The following SPTA1 variants were observed in gnomAD, a reference collection of about 807,000 sequenced individuals.
SPTA1 encodes spectrin alpha chain, erythrocytic 1.
In SPTA1, 177 loss-of-function variants were observed where a neutral mutation model predicts 324.7. The ratio of observed to expected loss-of-function variants is 0.55; its 90% CI spans 0.48 to 0.62. The LOEUF (loss-of-function observed/expected upper bound fraction) is 0.62. Ranked by LOEUF, SPTA1 falls within the 20% of genes least tolerant of loss-of-function variation. SPTA1 has a pLI of 0.00. For synonymous variants in SPTA1, 1,195 were observed against 1,041.3 expected, an observed-to-expected ratio of 1.15 and a Z score of -2.84; for missense variants, 3,162 against 2,883.6, an observed-to-expected ratio of 1.10 and a Z score of -2.21.
At chr1:158,656,918 A>G (rs772073242) in intron 19 of SPTA1, among the ~76,000 whole-genome samples, 22 of 152,210 alleles carry the variant, frequency 1.4e-4, no homozygotes, top group Non-Finnish European at 2.4e-4. Flanking sequence ...AGCTGAAAAG[A>G]GGATGCTGTT....
Position 158,667,966 on chromosome 1 carries a change from C to T in SPTA1, c.1930G>A (p.Gly644Ser). 2 of 1,613,768 alleles carry T rather than the reference C, an allele frequency of 1.2e-6. No homozygotes were observed. Among genetic ancestry groups the T allele is most frequent in the Non-Finnish European group, 8.5e-7 (1 of 1,179,962 alleles). ...KTQLENIQKT[G>S]QEMIEGGHYA... The stretch of plus-strand genomic sequence containing the variant: ...TGACCACCCTCAATCATCTCTTGGC[C>T]AGTTTTCTGTATGTTTTCCAGCTGG... The change falls in exon 15 of 52, where the codon GGC (glycine) becomes AGC (serine). Residue 644 changes from glycine to serine, a missense_variant. Physicochemically the swap from Gly to Ser is moderately conservative, Grantham distance 56. Coordinates refer to ENST00000643759, the MANE Select transcript of SPTA1 (RefSeq NM_003126.4).
At chr1:158,672,239 T>A in intron 10 of SPTA1, 43 bp from the exon 11 acceptor site, 1 of 1,540,196 alleles carries the variant, frequency 6.5e-7, no homozygotes, top group Non-Finnish European at 8.8e-7. Flanking sequence ...ATAATTAATT[T>A]ATTTTATTCT....
chr1:158,652,487 T>A lies in SPTA1; in HGVS notation c.3355A>T (p.Lys1119Ter). 6.2e-7 allele frequency: 1 copy of A among 1,614,164 alleles called. No homozygotes were observed. Among genetic ancestry groups the A allele is most frequent in the Non-Finnish European group, 8.5e-7 (1 of 1,180,014 alleles). The change falls in exon 23 of 52, where the codon AAG becomes TAG. Residue 1119 changes from lysine (K) to a stop codon, truncating the protein, a stop_gained. Coordinates refer to ENST00000643759, the MANE Select transcript of SPTA1 (RefSeq NM_003126.4). LOFTEE classifies it high-confidence loss of function. ...CTCACCTTTTGGAACTCATCAAACT[T>A]TTTCTGCAGCTCCCAAACATCATCT... ...ELDDVWELQK[K>*]FDEFQKDLNT...
chr1:158,684,117 A>C (rs1655008737), intron 2 of SPTA1, among the ~76,000 whole-genome samples: 1 of 151,550 alleles, frequency 6.6e-6, no homozygotes, highest in Non-Finnish European at 1.5e-5. Flanking sequence ...ACTCTGGTTA[A>C]CTCATCTCTC....
rs780253909 is a variant in SPTA1, at chr1:158,644,350, C to G, written c.4241G>C (p.Arg1414Pro). The change falls in exon 30 of 52, where the codon CGT becomes CCT. Residue 1414 changes from arginine to proline, a missense_variant. By Grantham distance (103) the Arg-to-Pro change is moderately radical. Transcript: ENST00000643759. Reference sequence around the variant, plus strand: ...GTCATCTGACCTCAGGGAATTCTCACGTGCCACCATCCAGCTCTCAACTTG... The same window carrying G: ...GTCATCTGACCTCAGGGAATTCTCAGGTGCCACCATCCAGCTCTCAACTTG... Reference protein sequence around the residue: ...CDQVESWMVARENSLRSDDKS... With the variant: ...CDQVESWMVAPENSLRSDDKS... The G allele has an allele frequency of 6.2e-6, 10 of 1,613,910 alleles. No homozygotes were observed. Among genetic ancestry groups the G allele is most frequent in the South Asian group, 2.2e-5 (2 of 91,082 alleles).
At position 158,648,770 on chromosome 1, in the gene SPTA1, AC is replaced by A. The variant is rs368433055; in HGVS notation, c.3570-118del. The A allele has an allele frequency of 1.7e-4, 160 of 931,688 alleles. 1 individual carries two copies. The African/African-American group carries it at 4.5e-3, about 26-fold the overall frequency. 57.7% of individuals were successfully genotyped at this position (931,688 alleles called of 1,614,324 possible). A position where few individuals can be genotyped will look rare whatever the true frequency, so the allele number is the denominator to read the frequency against. On this transcript the variant is annotated intron_variant, in intron 25 of 51. Transcript: ENST00000643759. Reference sequence around the variant, plus strand: ...TCACCATCCTCCCACCCACCCCCCCACCCCAACCAATTATCATCATTGTTTT... The same window carrying A: ...TCACCATCCTCCCACCCACCCCCCCACCCAACCAATTATCATCATTGTTTT...
intron 18 of SPTA1, among the ~76,000 whole-genome samples, chr1:158,660,264 A>C (rs1653121404): frequency 6.6e-6 from 1 of 152,194 alleles, no homozygotes. Flanking sequence ...ACAAGGCCTG[A>C]TTATATGCTA....
At chr1:158,643,575 G>A (rs1204711966) in intron 30 of SPTA1, 150 bp from the exon 31 acceptor site, 1 of 793,996 alleles carries the variant, frequency 1.3e-6, no homozygotes, top group African/African-American at 1.7e-5. Flanking sequence ...CAGGGAGGTG[G>A]GTTTCAACTT....
intron 21 of SPTA1, among the ~76,000 whole-genome samples, chr1:158,653,748 C>G (rs1017970538): frequency 2.6e-5 from 4 of 152,146 alleles, no homozygotes; most frequent in Non-Finnish European, 4.4e-5. Context: ...GAGCCAGGCT[C>G]TAGCTGGATT....
Position 158,653,347 on chromosome 1 carries a change from A to G in SPTA1, c.3115T>C (p.Phe1039Leu), listed in dbSNP as rs2079426252. ...VYVRRLAHDEFPMLPQRRREE... is the reference protein window; with the variant it reads ...VYVRRLAHDELPMLPQRRREE... Reference sequence around the variant, plus strand: ...CGTCGCCGCTGTGGGAGCATCGGGAACTCATCGTGGGCCAGTCTTCTGACA... The same window carrying G: ...CGTCGCCGCTGTGGGAGCATCGGGAGCTCATCGTGGGCCAGTCTTCTGACA... Residue 1039 changes from phenylalanine (F) to leucine (L), a missense_variant, in exon 22 of 52, where the codon TTC becomes CTC. Physicochemically the swap from Phe to Leu is conservative, Grantham distance 22. Transcript: ENST00000643759. 1.9e-6 allele frequency: 3 copies of G among 1,613,942 alleles called. No homozygotes were observed. Among genetic ancestry groups the G allele is most frequent in the Middle Eastern group, 1.6e-4 (1 of 6,062 alleles).
intron 39 of SPTA1, among the ~76,000 whole-genome samples, chr1:158,632,355 T>A (rs1650738287): frequency 6.6e-6 from 1 of 152,162 alleles, no homozygotes; most frequent in African/African-American, 2.4e-5. Context: ...CAAGAGCATT[T>A]CTATACAGCC....
At chr1:158,653,500 G>A in intron 21 of SPTA1, 75 bp from the exon 22 acceptor site, 5 of 1,597,858 alleles carry the variant, frequency 3.1e-6, no homozygotes, top group South Asian at 1.1e-5. Flanking sequence ...TCAACACTAA[G>A]TCTCTTGGCC....
chr1:158,660,257 A>C (rs559280178), intron 18 of SPTA1, among the ~76,000 whole-genome samples: 174 of 152,328 alleles, frequency 1.1e-3, no homozygotes, highest in African/African-American at 3.9e-3. Flanking sequence ...AATAAAAACA[A>C]GGCCTGATTA....
At chr1:158,679,590 C>T (rs868745946) in intron 5 of SPTA1, among the ~76,000 whole-genome samples, 7 of 152,220 alleles carry the variant, frequency 4.6e-5, no homozygotes, top group Non-Finnish European at 8.8e-5. Context: ...AAATCATCCT[C>T]ACCAGGGCCC....
rs1188198052 is a variant in SPTA1, at chr1:158,685,262, C to T, written c.110G>A (p.Ser37Asn). 2 of 1,613,716 alleles carry T rather than the reference C, an allele frequency of 1.2e-6. No homozygotes were observed. The highest frequency in any genetic ancestry group is 1.7e-6 in the Non-Finnish European group (2 of 1,179,850). Residue 37 changes from serine to asparagine, a missense_variant, in exon 2 of 52, where the codon AGT (serine) becomes AAT (asparagine). Ser to Asn is a conservative substitution (Grantham distance 46). Coordinates refer to ENST00000643759, the MANE Select transcript of SPTA1 (RefSeq NM_003126.4). Reference sequence around the variant, plus strand: ...CCTCTCAGCGACCCGCTCCTTGAAACTTTGATACCGAGTCAACACTTCCTG... The same window carrying T: ...CCTCTCAGCGACCCGCTCCTTGAAATTTTGATACCGAGTCAACACTTCCTG... ...RRQEVLTRYQ[S>N]FKERVAERGQ...
chr1:158,616,391 T>C (rs1320476305), intron 47 of SPTA1, among the ~76,000 whole-genome samples: 1 of 152,180 alleles, frequency 6.6e-6, no homozygotes, highest in Admixed American at 6.5e-5. Flanking sequence ...TCAACCTCTC[T>C]TCATTCCTCT....
chr1:158,683,282 C>T, intron 3 of SPTA1, 89 bp downstream of exon 3: 4 of 1,582,890 alleles, frequency 2.5e-6, no homozygotes, highest in Non-Finnish European at 3.5e-6. Context: ...TATAAGCCAG[C>T]CACTCAAGGT....
rs1650945766 is a variant in SPTA1 at position 158,634,825 on chromosome 1, G to A, written c.5433-150C>T. ...TGGGCCTCAACACAGTATAATAGGT[G>A]CCTACTGCTCAGTGGTGAAGATCTG... On this transcript the variant is annotated intron_variant, in intron 38 of 51. Coordinates refer to ENST00000643759, the MANE Select transcript of SPTA1 (RefSeq NM_003126.4). 15 of 851,316 alleles carry A rather than the reference G, an allele frequency of 1.8e-5. 1 individual carries two copies. The South Asian group carries it at 2.0e-4, about 11-fold the overall frequency. 52.7% of individuals were successfully genotyped at this position (851,316 alleles called of 1,614,324 possible).
chr1:158,638,667 T>A (rs1651282708), intron 35 of SPTA1, among the ~76,000 whole-genome samples: 1 of 148,414 alleles, frequency 6.7e-6, no homozygotes, highest in African/African-American at 2.5e-5. Flanking sequence ...AACACAAAAA[T>A]TAGCCGGGCA....
Sources: gnomAD v4.1 joint callset for allele counts (sites outside exome capture counted in the v4.1 genomes callset) on GRCh38, gnomAD v4.1.1 for gene constraint, MANE v1.5 for transcripts, NCBI Gene and HGNC (gene_info 2026-07-23, HGNC 2026-07-21) for gene names.